ZDHHC14: variants seen among roughly 807,000 people sequenced by gnomAD.
The protein encoded by ZDHHC14 is zDHHC palmitoyltransferase 14, also known as palmitoyltransferase ZDHHC14.
Under a neutral mutation model 47.7 loss-of-function variants are expected in ZDHHC14, and 16 were observed. That is an observed-to-expected ratio of 0.34 (90% confidence interval 0.23 to 0.51). The LOEUF (loss-of-function observed/expected upper bound fraction) is 0.51, where lower values mean the gene tolerates loss of function less well. Ranked by LOEUF, ZDHHC14 falls within the 20% of genes least tolerant of loss-of-function variation. The pLI, the probability that ZDHHC14 is intolerant of heterozygous loss-of-function variation, is 0.97. For missense variants in ZDHHC14, 515 were observed against 662.5 expected (o/e 0.78, Z 2.44); for synonymous variants, 293 against 278.9 (o/e 1.05, Z -0.50).
intron 3 of ZDHHC14, among the ~76,000 whole-genome samples, chr6:157,615,092 C>T (rs1461857197): frequency 6.6e-6 from 1 of 152,186 alleles, no homozygotes; most frequent in African/African-American, 2.4e-5. Flanking sequence ...TTTTAAGCAG[C>T]TGCCCCAAAT....
chr6:157,619,952 T>A (rs1785120942), intron 3 of ZDHHC14, among the ~76,000 whole-genome samples: 2 of 152,226 alleles, frequency 1.3e-5, no homozygotes, highest in African/African-American at 4.8e-5. Flanking sequence ...AATTAGTTAA[T>A]ATGATTTCTT....
chr6:157,495,304 C>G (rs2114732184), intron 1 of ZDHHC14, among the ~76,000 whole-genome samples: 1 of 152,208 alleles, frequency 6.6e-6, no homozygotes, highest in Middle Eastern at 3.4e-3. Context: ...AGAATACAAG[C>G]CTTCTGCCTT....
intron 1 of ZDHHC14, among the ~76,000 whole-genome samples, chr6:157,448,717 C>T (rs1484459763): frequency 1.3e-5 from 2 of 152,222 alleles, no homozygotes; most frequent in Admixed American, 1.3e-4. Flanking sequence ...GCTGGGATCA[C>T]AGGCGTGCAC....
intron 1 of ZDHHC14, among the ~76,000 whole-genome samples, chr6:157,405,460 C>G (rs905185134): frequency 2.0e-5 from 3 of 152,136 alleles, no homozygotes; most frequent in African/African-American, 7.2e-5. Context: ...TCTCGATCTC[C>G]TGACCTCGTG....
rs1007540805 is a variant in ZDHHC14, at chr6:157,472,528, G to T, written c.246-70057G>T. The stretch of plus-strand genomic sequence containing the variant: ...GAGTGGAGGCTTGCTTCTGGGAGCG[G>T]GCTGAGAAAACACAATTATGCACTC... On this transcript the variant is annotated intron_variant, in intron 1 of 8. Coordinates refer to ENST00000359775, the MANE Select transcript of ZDHHC14 (RefSeq NM_024630.3). Among the ~76,000 whole-genome samples the T allele has an allele frequency of 2.0e-5, 3 of 152,052 alleles. No homozygotes were observed. In the East Asian group the frequency reaches 5.8e-4, roughly 30 times the overall value.
intron 2 of ZDHHC14, among the ~76,000 whole-genome samples, chr6:157,565,508 G>A (rs1466575126): frequency 6.6e-6 from 1 of 152,104 alleles, no homozygotes; most frequent in African/African-American, 2.4e-5. Context: ...ACCAAAGCAA[G>A]GGTCAGTGGA....
intron 1 of ZDHHC14, among the ~76,000 whole-genome samples, chr6:157,387,972 G>A (rs1206077482): frequency 6.6e-6 from 1 of 152,190 alleles, no homozygotes; most frequent in Non-Finnish European, 1.5e-5. Context: ...TTGATTATTT[G>A]ATGTAATTCT....
intron 5 of ZDHHC14, among the ~76,000 whole-genome samples, chr6:157,645,410 G>T (rs1233483859): frequency 6.6e-6 from 1 of 152,136 alleles, no homozygotes; most frequent in East Asian, 1.9e-4. Flanking sequence ...ACAGTCGCTG[G>T]CTCCACAGTG....
chr6:157,391,061 G>C (rs944585073), intron 1 of ZDHHC14, among the ~76,000 whole-genome samples: 3 of 152,196 alleles, frequency 2.0e-5, no homozygotes, highest in Non-Finnish European at 1.5e-5. Flanking sequence ...CCTTGGGGAA[G>C]CTTCAGTTAG....
chr6:157,411,970 G>A (rs558401843), intron 1 of ZDHHC14, among the ~76,000 whole-genome samples: 15 of 151,108 alleles, frequency 9.9e-5, no homozygotes, highest in Admixed American at 2.6e-4. Flanking sequence ...ATGGAGTCTC[G>A]CTCTGTCACC....
At chr6:157,519,127 G>A (rs541476306) in intron 1 of ZDHHC14, among the ~76,000 whole-genome samples, 21 of 152,078 alleles carry the variant, frequency 1.4e-4, no homozygotes, top group South Asian at 1.0e-3. Flanking sequence ...GATGGAGGGA[G>A]TTGTTCAGGT....
intron 7 of ZDHHC14, among the ~76,000 whole-genome samples, chr6:157,652,561 A>G (rs2114991149): frequency 6.6e-6 from 1 of 152,268 alleles, no homozygotes; most frequent in Non-Finnish European, 1.5e-5. Flanking sequence ...AAAAAAGGCA[A>G]CTTTACCCCA....
intron 1 of ZDHHC14, among the ~76,000 whole-genome samples, chr6:157,445,773 CAGAG>C (rs1023825826): frequency 1.3e-5 from 2 of 150,036 alleles, no homozygotes; most frequent in Admixed American, 6.6e-5. Context: ...TGGAAAAAGC[CAGAG>C]AGAGAGAGAG....
intron 1 of ZDHHC14, among the ~76,000 whole-genome samples, chr6:157,453,789 TG>T (rs1778856245): frequency 5.4e-4 from 8 of 14,826 alleles, no homozygotes; most frequent in South Asian, 1.9e-3. Context: ...TTTTGTGTTT[TG>T]TGTGTGTGTG....
At chr6:157,545,358 A>G (rs1359830592) in intron 2 of ZDHHC14, among the ~76,000 whole-genome samples, 2 of 151,490 alleles carry the variant, frequency 1.3e-5, no homozygotes, top group South Asian at 2.1e-4. Flanking sequence ...TACATAAATT[A>G]TACCTCTATG....
intron 2 of ZDHHC14, among the ~76,000 whole-genome samples, chr6:157,554,394 G>A (rs1396834112): frequency 6.6e-6 from 1 of 152,178 alleles, no homozygotes; most frequent in East Asian, 1.9e-4. Context: ...CATTTAAAAA[G>A]TAAAAAAGCA....
At chr6:157,503,331 GAGGA>G in intron 1 of ZDHHC14, among the ~76,000 whole-genome samples, 1 of 152,298 alleles carries the variant, frequency 6.6e-6, no homozygotes, top group East Asian at 1.9e-4. Flanking sequence ...CTGCTTGTGA[GAGGA>G]AGGAAGGATT....
At chr6:157,487,921 C>G (rs1171538632) in intron 1 of ZDHHC14, among the ~76,000 whole-genome samples, 1 of 152,102 alleles carries the variant, frequency 6.6e-6, no homozygotes, top group Non-Finnish European at 1.5e-5. Context: ...CACAGGAGGC[C>G]CCCACCCCTC....
At position 157,495,695 on chromosome 6, in the gene ZDHHC14, A is replaced by ATTTTTTTTTT. The variant is rs71027341; in HGVS notation, c.246-46872_246-46863dup. On this transcript the variant is annotated intron_variant, in intron 1 of 8. Coordinates refer to ENST00000359775, the MANE Select transcript of ZDHHC14 (RefSeq NM_024630.3). Reference sequence around the variant, plus strand: ...GGAAATGTTGAGAAGTTCGGGTTGAATTTTTTTTTTTTTTTTTTTTTTTTT... The same window carrying ATTTTTTTTTT: ...GGAAATGTTGAGAAGTTCGGGTTGAATTTTTTTTTTTTTTTTTTTTTTTTTTTTTTTTTTT... Among the ~76,000 whole-genome samples the ATTTTTTTTTT allele has an allele frequency of 6.7e-3, 697 of 104,294 alleles. 41 individuals are homozygous for ATTTTTTTTTT. The highest frequency in any genetic ancestry group is 0.038 in the Admixed American group (303 of 7,900). The allele number at this position is 104,294 out of a possible 152,430, so 68.4% of individuals were successfully genotyped here.
Sources: allele counts gnomAD v4.1 joint callset (sites outside exome capture counted in the v4.1 genomes callset), GRCh38; gene constraint gnomAD v4.1.1; transcripts MANE v1.5; gene names NCBI Gene and HGNC (gene_info 2026-07-23, HGNC 2026-07-21).